DACH2: variants seen among roughly 807,000 people sequenced by gnomAD.
DACH2 encodes the protein dachshund family transcription factor 2, also known as dachshund homolog 2.
DACH2 carries 17 observed loss-of-function variants against 35.8 expected under a neutral mutation model. That is an observed-to-expected ratio of 0.48 (90% CI 0.33 to 0.71). The LOEUF is 0.71. Among genes scored for constraint, DACH2 ranks in the 30% least tolerant of loss-of-function variants. DACH2 has a pLI of 0.02. For missense variants in DACH2, 469 were observed against 472.7 expected, an observed-to-expected ratio of 0.99 and a Z score of 0.07; for synonymous variants, 195 against 177.3, an observed-to-expected ratio of 1.10 and a Z score of -0.79.
chrX:86,734,738 C>A (rs1291757), intron 6 of DACH2, among the ~76,000 whole-genome samples: 50,497 of 109,349 alleles, frequency 0.46, 8,518 homozygotes, highest in Admixed American at 0.63. Flanking sequence ...ATAAAGTACT[C>A]CCCCTATTTA....
chrX:86,399,073 A>T (rs2036364996), intron 2 of DACH2, among the ~76,000 whole-genome samples: 1 of 111,689 alleles, frequency 9.0e-6, no homozygotes, highest in African/African-American at 3.3e-5. Flanking sequence ...GTCCTCCTGT[A>T]TTGGGTGCAT....
chrX:86,734,964 G>C (rs936017204), intron 6 of DACH2, among the ~76,000 whole-genome samples: 24 of 111,477 alleles, frequency 2.2e-4, no homozygotes, highest in African/African-American at 6.8e-4. Context: ...CTCCTCAGTA[G>C]CAAAATGCCA....
chrX:86,457,381 A>T (rs2037494526), intron 2 of DACH2, among the ~76,000 whole-genome samples: 1 of 112,089 alleles, frequency 8.9e-6, no homozygotes, highest in African/African-American at 3.2e-5. Context: ...GTGCCTAGTT[A>T]TGACTGATTT....
chrX:86,308,316 G>T (rs747612220), intron 1 of DACH2, among the ~76,000 whole-genome samples: 2 of 112,686 alleles, frequency 1.8e-5, no homozygotes, highest in African/African-American at 6.4e-5. Flanking sequence ...TGGATCCTTA[G>T]GTGGCAGAGG....
chrX:86,305,747 C>T (rs1435249771), intron 1 of DACH2, among the ~76,000 whole-genome samples: 2 of 110,575 alleles, frequency 1.8e-5, no homozygotes, highest in South Asian at 7.7e-4. Flanking sequence ...AAAAAACACC[C>T]TAAATAATCT....
intron 4 of DACH2, among the ~76,000 whole-genome samples, chrX:86,657,803 A>G (rs1466429607): frequency 2.7e-5 from 3 of 111,610 alleles, no homozygotes; most frequent in Non-Finnish European, 3.8e-5. Context: ...AAATCCCCTG[A>G]AGGCAAAATA....
At chrX:86,649,968 T>C (rs763303044) in intron 3 of DACH2, among the ~76,000 whole-genome samples, 1 of 111,031 alleles carries the variant, frequency 9.0e-6, no homozygotes, top group South Asian at 3.7e-4. Context: ...TTTTGGCCCA[T>C]GGTAGCAGTG....
chrX:86,818,886 A>G (rs1237866550), intron 11 of DACH2, among the ~76,000 whole-genome samples: 1 of 108,852 alleles, frequency 9.2e-6, no homozygotes, highest in Non-Finnish European at 1.9e-5. Flanking sequence ...TTACATGGCC[A>G]CTCCTGGAAG....
intron 1 of DACH2, among the ~76,000 whole-genome samples, chrX:86,266,083 A>C (rs2033707457): frequency 1.8e-5 from 2 of 111,270 alleles, no homozygotes; most frequent in South Asian, 7.6e-4. Flanking sequence ...CTAGAACTTG[A>C]ATTTAGAGAA....
intron 3 of DACH2, among the ~76,000 whole-genome samples, chrX:86,583,673 T>C (rs186478607): frequency 1.2e-3 from 133 of 109,802 alleles, no homozygotes; most frequent in African/African-American, 4.0e-3. Flanking sequence ...GACCATACGG[T>C]TTTTCTTTTT....
chrX:86,203,058 T>C (rs1290992419), intron 1 of DACH2, among the ~76,000 whole-genome samples: 1 of 111,190 alleles, frequency 9.0e-6, no homozygotes, highest in Non-Finnish European at 1.9e-5. Flanking sequence ...TAAATGATTT[T>C]TAAGGTCTCT....
At position 86,582,286 on chromosome X, in the gene DACH2, C is replaced by T. The variant is rs772313845; in HGVS notation, c.640+67895C>T. Among the ~76,000 whole-genome samples the T allele has an allele frequency of 1.4e-3, 157 of 111,168 alleles. 1 individual carries two copies. The highest frequency in any genetic ancestry group is 0.014 in the Middle Eastern group (3 of 217). On this transcript the variant is annotated intron_variant, in intron 3 of 11. Coordinates refer to ENST00000373125, the MANE Select transcript of DACH2 (RefSeq NM_053281.3). Reference sequence around the variant, plus strand: ...ATCTGAAGTTAACAACCTAACATCACACCTAAAGGGACTAGAGAAACACAA... The same window carrying T: ...ATCTGAAGTTAACAACCTAACATCATACCTAAAGGGACTAGAGAAACACAA...
At chrX:86,398,728 A>C (rs1305087798) in intron 2 of DACH2, among the ~76,000 whole-genome samples, 1 of 111,944 alleles carries the variant, frequency 8.9e-6, no homozygotes, top group East Asian at 2.8e-4. Context: ...CCTGAGTTCT[A>C]GTTTGATTGC....
At chrX:86,597,721 T>C (rs1182342949) in intron 3 of DACH2, among the ~76,000 whole-genome samples, 1 of 111,528 alleles carries the variant, frequency 9.0e-6, no homozygotes, top group Non-Finnish European at 1.9e-5. Context: ...TTAGTGATAT[T>C]TTGTCTAGTT....
intron 3 of DACH2, among the ~76,000 whole-genome samples, chrX:86,622,413 A>G (rs898030808): frequency 2.7e-5 from 3 of 111,417 alleles, no homozygotes; most frequent in African/African-American, 9.8e-5. Context: ...CAGTCACTCT[A>G]TTGTGTTTTA....
At chrX:86,575,781 G>A (rs900031259) in intron 3 of DACH2, among the ~76,000 whole-genome samples, 3 of 111,739 alleles carry the variant, frequency 2.7e-5, no homozygotes, top group Non-Finnish European at 5.7e-5. Flanking sequence ...TACAAGTAAA[G>A]TACATGTTGT....
chrX:86,650,521 T>A (rs2040466269), intron 3 of DACH2, among the ~76,000 whole-genome samples: 1 of 111,222 alleles, frequency 9.0e-6, no homozygotes, highest in Admixed American at 9.6e-5. Context: ...CATTTAGAAT[T>A]TCAGAGTGCT....
intron 3 of DACH2, among the ~76,000 whole-genome samples, chrX:86,552,633 T>C (rs1370859759): frequency 2.7e-5 from 3 of 112,333 alleles, no homozygotes; most frequent in Non-Finnish European, 5.6e-5. Context: ...TGCCTGACTT[T>C]AGCTGCACAT....
At chrX:86,690,353 G>A (rs917360298) in intron 4 of DACH2, among the ~76,000 whole-genome samples, 3 of 111,854 alleles carry the variant, frequency 2.7e-5, no homozygotes, top group African/African-American at 9.7e-5. Context: ...GGGAAATGCG[G>A]AAGTGCTAAT....
Sources: gnomAD v4.1 joint callset for allele counts (sites outside exome capture counted in the v4.1 genomes callset) on GRCh38, gnomAD v4.1.1 for gene constraint, MANE v1.5 for transcripts, NCBI Gene and HGNC (gene_info 2026-07-23, HGNC 2026-07-21) for gene names.